GPC6: variants seen among roughly 807,000 people sequenced by gnomAD.
The protein encoded by GPC6 is glypican 6, also known as glypican-6.
Under a neutral mutation model 55.2 loss-of-function variants are expected in GPC6, and 14 were observed. That is an observed-to-expected ratio of 0.25 (90% confidence interval 0.17 to 0.40). The LOEUF is 0.40. GPC6 is among the 10% of genes least tolerant of loss of function. The pLI, the probability that GPC6 is intolerant of heterozygous loss-of-function variation, is 1.00. For synonymous variants in GPC6, 278 were observed against 259.6 expected (o/e 1.07, Z -0.68); for missense variants, 641 against 708.5 (o/e 0.90, Z 1.08).
At chr13:93,606,555 T>C (rs2139532561) in intron 2 of GPC6, among the ~76,000 whole-genome samples, 1 of 152,276 alleles carries the variant, frequency 6.6e-6, no homozygotes, top group South Asian at 2.1e-4. Context: ...TAGAGGCACA[T>C]TTAAGTTAAC....
chr13:93,649,382 A>G (rs946631735), intron 2 of GPC6, among the ~76,000 whole-genome samples: 2 of 152,194 alleles, frequency 1.3e-5, no homozygotes, highest in Non-Finnish European at 2.9e-5. Context: ...AGCCAAGGAC[A>G]TAGATGCTGC....
At chr13:93,871,507 T>C (rs1338759115) in intron 3 of GPC6, among the ~76,000 whole-genome samples, 3 of 151,956 alleles carry the variant, frequency 2.0e-5, no homozygotes, top group Non-Finnish European at 2.9e-5. Flanking sequence ...CCAAAAATAT[T>C]TGCATGACAC....
intron 3 of GPC6, among the ~76,000 whole-genome samples, chr13:93,975,818 G>T (rs1261791684): frequency 6.6e-6 from 1 of 152,078 alleles, no homozygotes; most frequent in African/African-American, 2.4e-5. Flanking sequence ...TTAAAACGTA[G>T]GTGTGATTAG....
intron 2 of GPC6, among the ~76,000 whole-genome samples, chr13:93,704,327 G>A (rs184487667): frequency 6.6e-6 from 1 of 151,884 alleles, no homozygotes; most frequent in African/African-American, 2.4e-5. Context: ...AAATAAGGAA[G>A]AATTAGTTCT....
At chr13:94,267,459 C>T (rs1307856763) in intron 4 of GPC6, among the ~76,000 whole-genome samples, 1 of 152,072 alleles carries the variant, frequency 6.6e-6, no homozygotes, top group Non-Finnish European at 1.5e-5. Context: ...GTATAATATG[C>T]AAGCAGTAGA....
chr13:93,815,909 T>G (rs1258773974), intron 2 of GPC6, among the ~76,000 whole-genome samples: 1 of 152,132 alleles, frequency 6.6e-6, no homozygotes, highest in East Asian at 1.9e-4. Flanking sequence ...AGCTGAGCCA[T>G]CTCTAACTCC....
chr13:94,358,377 G>T (rs2139177278), intron 6 of GPC6, among the ~76,000 whole-genome samples: 1 of 151,798 alleles, frequency 6.6e-6, no homozygotes, highest in South Asian at 2.1e-4. Context: ...ACTAAGTAAA[G>T]AAAATAAAGA....
chr13:94,014,707 C>A (rs1227919369), intron 3 of GPC6, among the ~76,000 whole-genome samples: 1 of 152,132 alleles, frequency 6.6e-6, no homozygotes, highest in Non-Finnish European at 1.5e-5. Context: ...TCCCTTGCCC[C>A]ATCCCCTGAC....
At chr13:93,576,339 A>C (rs565841954) in intron 2 of GPC6, among the ~76,000 whole-genome samples, 2 of 152,160 alleles carry the variant, frequency 1.3e-5, no homozygotes, top group Admixed American at 6.6e-5. Context: ...CACAATACAA[A>C]ATTTTATATT....
intron 1 of GPC6, among the ~76,000 whole-genome samples, chr13:93,236,816 G>A (rs1174204769): frequency 1.3e-5 from 2 of 152,082 alleles, no homozygotes; most frequent in African/African-American, 4.8e-5. Flanking sequence ...TAGTGAAAAC[G>A]TGGTATTTGG....
At chr13:94,398,097 A>G (rs976374561) in intron 7 of GPC6, among the ~76,000 whole-genome samples, 1 of 152,126 alleles carries the variant, frequency 6.6e-6, no homozygotes, top group African/African-American at 2.4e-5. Flanking sequence ...TGAATCTATT[A>G]AACCTCTTTT....
intron 4 of GPC6, among the ~76,000 whole-genome samples, chr13:94,141,410 G>A (rs149774115): frequency 1.8e-3 from 270 of 152,246 alleles, no homozygotes; most frequent in African/African-American, 6.3e-3. Flanking sequence ...CTGGCATGGC[G>A]TTAGGTCCTG....
intron 1 of GPC6, among the ~76,000 whole-genome samples, chr13:93,238,283 C>T (rs1400283108): frequency 6.6e-6 from 1 of 152,004 alleles, no homozygotes. Flanking sequence ...TCTCTCACAT[C>T]CTTGGTTAAA....
chr13:93,847,933 C>G (rs1888252023), intron 3 of GPC6, among the ~76,000 whole-genome samples: 1 of 152,112 alleles, frequency 6.6e-6, no homozygotes, highest in Admixed American at 6.6e-5. Flanking sequence ...TTTTATAATT[C>G]TCTTCGTTAA....
chr13:94,103,075 C>G (rs531160247), intron 4 of GPC6, among the ~76,000 whole-genome samples: 1 of 152,232 alleles, frequency 6.6e-6, no homozygotes, highest in African/African-American at 2.4e-5. Flanking sequence ...TGTGATGTTC[C>G]CCTCCCTGTG....
At chr13:93,894,123 G>T (rs1289260442) in intron 3 of GPC6, among the ~76,000 whole-genome samples, 1 of 152,100 alleles carries the variant, frequency 6.6e-6, no homozygotes, top group Non-Finnish European at 1.5e-5. Context: ...GTTTCTTCTG[G>T]AAAACTAAAT....
intron 4 of GPC6, among the ~76,000 whole-genome samples, chr13:94,234,216 C>A (rs1156966141): frequency 6.6e-6 from 1 of 152,152 alleles, no homozygotes; most frequent in Non-Finnish European, 1.5e-5. Flanking sequence ...AAACCTTATT[C>A]TAAAAATCAT....
At chr13:93,917,311 A>G (rs1263619337) in intron 3 of GPC6, among the ~76,000 whole-genome samples, 7 of 152,190 alleles carry the variant, frequency 4.6e-5, no homozygotes, top group Non-Finnish European at 1.0e-4. Context: ...GAAAAGAAAA[A>G]AGTTAGAGAC....
intron 1 of GPC6, among the ~76,000 whole-genome samples, chr13:93,538,876 T>A (rs1399417352): frequency 6.6e-6 from 1 of 152,196 alleles, no homozygotes; most frequent in African/African-American, 2.4e-5. Flanking sequence ...TTCTATTTTT[T>A]TAAATACTCA....
Sources: gnomAD v4.1 joint callset for allele counts (sites outside exome capture counted in the v4.1 genomes callset) on GRCh38, gnomAD v4.1.1 for gene constraint, MANE v1.5 for transcripts, NCBI Gene and HGNC (gene_info 2026-07-23, HGNC 2026-07-21) for gene names.